The following APOL4 variants were observed in gnomAD, a reference collection of about 807,000 sequenced individuals.
The protein encoded by APOL4 is apolipoprotein L, 4.
Under a neutral mutation model 12.1 loss-of-function variants are expected in APOL4, and 14 were observed. The observed-to-expected ratio is 1.16, with a 90% CI of 0.76 to 1.81. APOL4 has a LOEUF of 1.81. Ranked by LOEUF, APOL4 falls within the 40% of genes most tolerant of loss-of-function variation. The pLI, the probability that APOL4 is intolerant of heterozygous loss-of-function variation, is 0.00. For missense variants in APOL4, 432 were observed against 423.1 expected (o/e 1.02, Z -0.18); for synonymous variants, 171 against 160.6 (o/e 1.06, Z -0.49).
upstream of APOL4, chr22:36,202,004 G>T (rs780822168): frequency 1.2e-6 from 2 of 1,614,012 alleles, no homozygotes; most frequent in Non-Finnish European, 1.7e-6. Flanking sequence ...AGATGCAGAC[G>T]ACAAAGATTT....
intron 3 of APOL4, among the ~76,000 whole-genome samples, chr22:36,192,365 A>G (rs2014284505): frequency 6.6e-6 from 1 of 152,142 alleles, no homozygotes; most frequent in Non-Finnish European, 1.5e-5. Flanking sequence ...TAATAATTCT[A>G]CTCAAGGTTA....
rs892341385 is a variant in APOL4, at chr22:36,201,223, G to A, written c.35+477C>T. Reference sequence around the variant, plus strand: ...GCATTACCATTGTTCTTTTCTCACCGTGTGTCTCTGCGCACTCCCTGGCAC... The same window carrying A: ...GCATTACCATTGTTCTTTTCTCACCATGTGTCTCTGCGCACTCCCTGGCAC... On this transcript the variant is annotated intron_variant, in intron 1 of 3. Coordinates refer to ENST00000683024, the MANE Select transcript of APOL4 (RefSeq NM_001386885.1). Among the ~76,000 whole-genome samples the A allele has an allele frequency of 6.0e-5, 9 of 150,930 alleles. No individual in the cohort carries two copies. The East Asian group carries it at 1.4e-3, about 23-fold the overall frequency.
intron 2 of APOL4, among the ~76,000 whole-genome samples, chr22:36,198,999 C>T (rs533253949): frequency 2.0e-5 from 3 of 152,342 alleles, no homozygotes; most frequent in East Asian, 3.9e-4. Context: ...CCTGGCCAAC[C>T]CTCAAAAGCC....
At chr22:36,197,519 T>G in intron 2 of APOL4, 1 of 1,345,750 alleles carries the variant, frequency 7.4e-7, no homozygotes, top group Non-Finnish European at 9.6e-7. Flanking sequence ...AAAATTAAAA[T>G]AAAAACCAGA....
chr22:36,191,527 G>C lies in APOL4; in HGVS notation c.595C>G (p.Leu199Val). The C allele has an allele frequency of 6.2e-7, 1 of 1,614,068 alleles. No individual in the cohort carries two copies. The highest frequency in any genetic ancestry group is 8.5e-7 in the Non-Finnish European group (1 of 1,179,896). Residue 199 changes from leucine to valine, a missense_variant, in exon 4 of 4, where the codon CTC (leucine) becomes GTC (valine). Physicochemically the swap from Leu to Val is conservative, Grantham distance 32 (BLOSUM62 1). Transcript: ENST00000683024. Reference protein sequence around the residue: ...VENTYTRSAELTASRLTATST... With the variant: ...VENTYTRSAEVTASRLTATST... Reference sequence around the variant, plus strand: ...GTTGCAGTCAGCCTGCTGGCTGTGAGTTCTGCTGACCTTGTGTATGTGTTC... The same window carrying C: ...GTTGCAGTCAGCCTGCTGGCTGTGACTTCTGCTGACCTTGTGTATGTGTTC...
chr22:36,204,411 C>T (rs538425040), upstream of APOL4, among the ~76,000 whole-genome samples: 1 of 152,286 alleles, frequency 6.6e-6, no homozygotes, highest in African/African-American at 2.4e-5. Context: ...TGAGCTATTT[C>T]CCCACCTCTC....
rs986984331 is a variant in APOL4, at chr22:36,190,757, T to G, written c.*318A>C. On this transcript the variant is annotated 3_prime_UTR_variant, in exon 4 of 4. Transcript: ENST00000683024. ...TTTCATATTGTTCAAACACACATGC[T>G]CTACAATTTGTGCAGTTAACGCAAT... The G allele has an allele frequency of 3.5e-6, 1 of 288,772 alleles. No homozygotes were observed. Among genetic ancestry groups the G allele is most frequent in the African/African-American group, 2.2e-5 (1 of 46,282 alleles). The allele number at this position is 288,772 out of a possible 1,614,324, so 17.9% of individuals were successfully genotyped here. A position where few individuals can be genotyped will look rare whatever the true frequency, so the allele number is the denominator to read the frequency against.
chr22:36,192,874 T>C (rs2014302434), intron 3 of APOL4, among the ~76,000 whole-genome samples: 1 of 152,186 alleles, frequency 6.6e-6, no homozygotes, highest in Admixed American at 6.5e-5. Context: ...CGGCAGCTTG[T>C]GATCCAGCCC....
At chr22:36,195,662 T>C (rs1053457162) in intron 2 of APOL4, among the ~76,000 whole-genome samples, 3 of 152,036 alleles carry the variant, frequency 2.0e-5, no homozygotes, top group South Asian at 4.2e-4. Context: ...AAGGAAGTCA[T>C]TAATTTAAAG....
intron 2 of APOL4, among the ~76,000 whole-genome samples, chr22:36,197,273 C>T (rs132711): frequency 0.81 from 122,698 of 152,090 alleles, 49,662 homozygotes; most frequent in East Asian, 0.94. Flanking sequence ...CCAGGGCGGC[C>T]CCTGAGCAGA....
intron 3 of APOL4, 131 bp downstream of exon 3, chr22:36,195,180 C>A (rs2014367052): frequency 4.1e-6 from 5 of 1,217,764 alleles, no homozygotes; most frequent in Non-Finnish European, 5.7e-6. Flanking sequence ...TCCTGCACTG[C>A]TGAGAGGGAC....
At position 36,191,929 on chromosome 22, in the gene APOL4, C is replaced by G; in HGVS notation, c.210-17G>C. On this transcript the variant is annotated splice_polypyrimidine_tract_variant and intron_variant, in intron 3 of 3. Transcript: ENST00000683024. ...GCCTCTTCCCTGTACCAATAAAGGA[C>G]AGATGATTAAGAAAGGCAGCTTACT... The G allele has an allele frequency of 6.4e-7, 1 of 1,551,526 alleles. No homozygotes were observed. Among genetic ancestry groups the G allele is most frequent in the Non-Finnish European group, 8.7e-7 (1 of 1,155,242 alleles).
chr22:36,189,570 G>A lies in APOL4; in HGVS notation c.*1505C>T, dbSNP rs1241909563. Reference sequence around the variant, plus strand: ...TTCTTGGAAGGACATCCAACCGGGGGGCGGGTCTTTAGTGGAGCCGCTGTT... The same window carrying A: ...TTCTTGGAAGGACATCCAACCGGGGAGCGGGTCTTTAGTGGAGCCGCTGTT... On this transcript the variant is annotated 3_prime_UTR_variant, in exon 4 of 4. Transcript: ENST00000683024. 6.6e-6 allele frequency: 1 copy of A among 152,208 alleles called. No individual in the cohort carries two copies. Among genetic ancestry groups the A allele is most frequent in the Non-Finnish European group, 1.5e-5 (1 of 68,088 alleles). 9.4% of individuals were successfully genotyped at this position (152,208 alleles called of 1,614,324 possible). A position where few individuals can be genotyped will look rare whatever the true frequency, so the allele number is the denominator to read the frequency against.
rs2014206079 is a variant in APOL4 at position 36,190,242 on chromosome 22, T to A, written c.*833A>T. ...GTGGGTGTGGGTCACAAAGATCACC[T>A]ACTTCACAAGGTAATAGAATATCAC... is the stretch of plus-strand genomic sequence containing the variant. On this transcript the variant is annotated 3_prime_UTR_variant, in exon 4 of 4. Transcript: ENST00000683024. The A allele has an allele frequency of 6.6e-6, 1 of 152,134 alleles. No homozygotes were observed. Among genetic ancestry groups the A allele is most frequent in the South Asian group, 2.1e-4 (1 of 4,828 alleles). The allele number at this position is 152,134 out of a possible 1,614,324, so 9.4% of individuals were successfully genotyped here.
rs1044845792 is a variant in APOL4 at position 36,200,955 on chromosome 22, G to A, written c.35+745C>T. ...ACAAAGGAGAAGGAGGATTAATATT[G>A]TCATTTTTTAAAGATGGAAGTTAAG... On this transcript the variant is annotated intron_variant, in intron 1 of 3. Coordinates refer to ENST00000683024, the MANE Select transcript of APOL4 (RefSeq NM_001386885.1). Among the ~76,000 whole-genome samples, 23 of 152,290 alleles carry A rather than the reference G, an allele frequency of 1.5e-4. No individual in the cohort carries two copies. The South Asian group carries it at 1.7e-3, about 11-fold the overall frequency.
chr22:36,197,503 T>A, intron 2 of APOL4: 1 of 1,309,740 alleles, frequency 7.6e-7, no homozygotes, highest in Non-Finnish European at 1.0e-6. Flanking sequence ...TGGTGAATAT[T>A]AAAGCAAAAT....
In APOL4 at chr22:36,190,884, A is replaced by G. The variant is rs2146933289; in HGVS notation, c.*191T>C. Reference sequence around the variant, plus strand: ...AAATCACAAGGGTATTGATTGGGGAAGTGATCAGTGTCCATGAAATCTTCA... The same window carrying G: ...AAATCACAAGGGTATTGATTGGGGAGGTGATCAGTGTCCATGAAATCTTCA... On this transcript the variant is annotated 3_prime_UTR_variant, in exon 4 of 4. Coordinates refer to ENST00000683024, the MANE Select transcript of APOL4 (RefSeq NM_001386885.1). The G allele has an allele frequency of 6.8e-6, 4 of 591,712 alleles. No individual in the cohort carries two copies. In the South Asian group the frequency reaches 8.4e-5, roughly 12 times the overall value. 36.7% of individuals were successfully genotyped at this position (591,712 alleles called of 1,614,324 possible).
intron 2 of APOL4, among the ~76,000 whole-genome samples, chr22:36,198,168 C>T (rs2014467983): frequency 6.6e-6 from 1 of 152,202 alleles, no homozygotes; most frequent in Admixed American, 6.5e-5. Flanking sequence ...AGCTAATTTG[C>T]TTTGGCTTTG....
chr22:36,198,589 G>A (rs1301502813), intron 2 of APOL4, among the ~76,000 whole-genome samples: 1 of 152,198 alleles, frequency 6.6e-6, no homozygotes, highest in Non-Finnish European at 1.5e-5. Context: ...CGGGAAGGGG[G>A]TGGCTTCCAC....
Sources: gnomAD v4.1 joint callset for allele counts (sites outside exome capture counted in the v4.1 genomes callset) on GRCh38, gnomAD v4.1.1 for gene constraint, MANE v1.5 for transcripts, NCBI Gene and HGNC (gene_info 2026-07-23, HGNC 2026-07-21) for gene names.